The following COL5A1 variants were observed in gnomAD, a reference collection of about 807,000 sequenced individuals.
COL5A1 encodes collagen alpha-1(V) chain.
COL5A1 carries 16 observed loss-of-function variants against 263.7 expected under a neutral mutation model. The observed-to-expected ratio is 0.06, with a 90% CI of 0.04 to 0.09. The LOEUF (loss-of-function observed/expected upper bound fraction) is 0.09, where lower values mean the gene tolerates loss of function less well. Among genes scored for constraint, COL5A1 ranks in the 10% least tolerant of loss-of-function variants. The probability of loss-of-function intolerance (pLI) is 1.00; values close to 1 mark genes in which losing one functional copy is unlikely to be tolerated. For missense variants in COL5A1, 2,036 were observed against 2,540.5 expected (o/e 0.80, Z 4.27); for synonymous variants, 1,012 against 1,004.5 (o/e 1.01, Z -0.14).
chr9:134,807,098 T>C (rs1382333115), intron 42 of COL5A1, among the ~76,000 whole-genome samples: 1 of 152,194 alleles, frequency 6.6e-6, no homozygotes, highest in East Asian at 1.9e-4. Context: ...CTGACCCGTA[T>C]TTGGCTTCTG....
chr9:134,780,187 C>A (rs149516949), intron 28 of COL5A1, 41 bp downstream of exon 28: 1 of 1,602,934 alleles, frequency 6.2e-7, no homozygotes, highest in East Asian at 2.2e-5. Flanking sequence ...CTGCTTAGTC[C>A]GGAGCCGAAT....
chr9:134,831,855 G>A (rs1346187942), intron 64 of COL5A1, among the ~76,000 whole-genome samples: 3 of 152,218 alleles, frequency 2.0e-5, no homozygotes, highest in African/African-American at 7.2e-5. Flanking sequence ...GAAGGTTGGG[G>A]TGAAGGGACG....
At chr9:134,684,602 C>T (rs369471641) in intron 1 of COL5A1, among the ~76,000 whole-genome samples, 15 of 152,334 alleles carry the variant, frequency 9.8e-5, no homozygotes, top group African/African-American at 3.1e-4. Context: ...GTTTCAGCAT[C>T]TCATGTCCTG....
At chr9:134,743,076 G>T (rs994484280) in intron 11 of COL5A1, among the ~76,000 whole-genome samples, 1 of 152,160 alleles carries the variant, frequency 6.6e-6, no homozygotes, top group African/African-American at 2.4e-5. Flanking sequence ...TGGTGTCCAC[G>T]GATATTTGTG....
intron 11 of COL5A1, among the ~76,000 whole-genome samples, chr9:134,740,026 T>C (rs77029977): frequency 0.018 from 2,788 of 152,268 alleles, 100 homozygotes; most frequent in African/African-American, 0.062. Context: ...CTCTGCCACG[T>C]TGCTTTTCAC....
In COL5A1 at chr9:134,816,958, T is replaced by C. The variant is rs1838774932; in HGVS notation, c.4123-68T>C. On this transcript the variant is annotated intron_variant, in intron 52 of 65. Transcript: ENST00000371817. The stretch of plus-strand genomic sequence containing the variant: ...AGGAGTAAATAGACTGAAATCGCCA[T>C]GTGTTTTGCCTCAATTGAGTCTAAC... 6.4e-6 allele frequency: 9 copies of C among 1,397,680 alleles called. No individual in the cohort carries two copies. In the South Asian group the frequency reaches 8.1e-5, roughly 13 times the overall value. The allele number at this position is 1,397,680 out of a possible 1,614,324, so 86.6% of individuals were successfully genotyped here. A position where few individuals can be genotyped will look rare whatever the true frequency, so the allele number is the denominator to read the frequency against.
In COL5A1 at chr9:134,730,451, C is replaced by T. The variant is rs749315207; in HGVS notation, c.1140C>T (p.Thr380=). ...PGAGAEIPTS[T]ADTSNSSNPA... is the part of the protein sequence containing the mutation. ...CTGGGGCCGAAATTCCCACCAGCAC[C>T]GCCGACACCTCCAACTCCTCCAATG... The change falls in exon 7 of 66, where the codon ACC becomes ACT. Residue 380 remains threonine (T), a synonymous_variant. Coordinates refer to ENST00000371817, the MANE Select transcript of COL5A1 (RefSeq NM_000093.5). 3.6e-5 allele frequency: 58 copies of T among 1,614,026 alleles called. No homozygotes were observed. Among genetic ancestry groups the T allele is most frequent in the Middle Eastern group, 3.3e-4 (2 of 6,082 alleles).
chr9:134,740,572 T>C (rs988036333), intron 11 of COL5A1, among the ~76,000 whole-genome samples: 1 of 152,184 alleles, frequency 6.6e-6, no homozygotes, highest in Non-Finnish European at 1.5e-5. Context: ...GCCTCAGTGG[T>C]GTTCCACGGC....
rs1270346263 is a variant in COL5A1 at position 134,757,798 on chromosome 9, G to A, written c.1882-445G>A. ...GGATGCCTGAGGGTAGCCAGTGCTGGCCCGTCCACCAATGGGTACGCGTAC... is the reference window on the plus strand; with the variant it reads ...GGATGCCTGAGGGTAGCCAGTGCTGACCCGTCCACCAATGGGTACGCGTAC... On this transcript the variant is annotated intron_variant, in intron 17 of 65. Transcript: ENST00000371817. This position sits in a 1 kb window ranked among gnomAD's most constrained non-coding sequence, Gnocchi z 6.2. 6.6e-6 allele frequency among the ~76,000 whole-genome samples: 1 copy of A among 152,158 alleles called. No individual in the cohort carries two copies. The highest frequency in any genetic ancestry group is 2.4e-5 in the African/African-American group (1 of 41,452).
intron 11 of COL5A1, among the ~76,000 whole-genome samples, chr9:134,744,802 T>C (rs1298697894): frequency 6.9e-6 from 1 of 145,710 alleles, no homozygotes; most frequent in Non-Finnish European, 1.5e-5. Context: ...CCCACACATG[T>C]ACACACATTC....
At chr9:134,777,463 C>T (rs747440652) in intron 27 of COL5A1, among the ~76,000 whole-genome samples, 4 of 152,212 alleles carry the variant, frequency 2.6e-5, no homozygotes, top group Middle Eastern at 3.2e-3. Context: ...GCCCCAATGT[C>T]AACAGCCCCG....
chr9:134,696,394 G>A lies in COL5A1; in HGVS notation c.278-3515G>A, dbSNP rs1440628466. ...GATTCACCATGTTGGCCAGGCTGGT[G>A]TGGAACTCCTGACCTCAAGTGATCC... On this transcript the variant is annotated intron_variant, in intron 2 of 65. Coordinates refer to ENST00000371817, the MANE Select transcript of COL5A1 (RefSeq NM_000093.5). This position sits in a 1 kb window ranked among gnomAD's most constrained non-coding sequence, Gnocchi z 4.3. Among the ~76,000 whole-genome samples, 2 of 152,054 alleles carry A rather than the reference G, an allele frequency of 1.3e-5. No individual in the cohort carries two copies.
intron 43 of COL5A1, 78 bp from the exon 44 acceptor site, chr9:134,810,177 A>C: frequency 6.6e-7 from 1 of 1,525,666 alleles, no homozygotes; most frequent in Middle Eastern, 1.7e-4. Context: ...AATCTCCAAG[A>C]AAAATTCATT....
intron 27 of COL5A1, among the ~76,000 whole-genome samples, chr9:134,778,839 C>T (rs1399463748): frequency 6.6e-6 from 1 of 152,270 alleles, no homozygotes; most frequent in East Asian, 1.9e-4. Flanking sequence ...TTCAGGGCAA[C>T]CACGCCGCTG....
intron 39 of COL5A1, among the ~76,000 whole-genome samples, chr9:134,803,999 G>C (rs1355059260): frequency 6.6e-6 from 1 of 152,126 alleles, no homozygotes; most frequent in African/African-American, 2.4e-5. Flanking sequence ...GCCATAACTT[G>C]CTGTGTTAGC....
At chr9:134,676,453 T>A (rs1259113582) in intron 1 of COL5A1, among the ~76,000 whole-genome samples, 6 of 152,240 alleles carry the variant, frequency 3.9e-5, no homozygotes, top group African/African-American at 1.4e-4. Flanking sequence ...GATGGGCATG[T>A]GCTTTGTTTT....
At position 134,841,201 on chromosome 9, in the gene COL5A1, C is replaced by T. The variant is rs1271923195; in HGVS notation, c.5371-956C>T. Among the ~76,000 whole-genome samples the T allele has an allele frequency of 6.6e-6, 1 of 152,200 alleles. No homozygotes were observed. The highest frequency in any genetic ancestry group is 1.9e-4 in the East Asian group (1 of 5,184). ...CTGCGACTGTAAATCCAGTCTGGGT[C>T]TGAGGTAGCAAAAGCCATCTGCCCA... On this transcript the variant is annotated intron_variant, in intron 65 of 65. Coordinates refer to ENST00000371817, the MANE Select transcript of COL5A1 (RefSeq NM_000093.5). This position sits in a 1 kb window ranked among gnomAD's most constrained non-coding sequence, Gnocchi z 4.8.
At chr9:134,766,351 C>G in intron 21 of COL5A1, 103 bp from the exon 22 acceptor site, 11 of 1,137,708 alleles carry the variant, frequency 9.7e-6, no homozygotes, top group Non-Finnish European at 1.4e-5. Context: ...TCTGATTCGT[C>G]GTGGGATGGG....
chr9:134,822,819 G>A (rs1839070378), intron 59 of COL5A1, 179 bp from the exon 60 acceptor site: 2 of 745,354 alleles, frequency 2.7e-6, no homozygotes, highest in Non-Finnish European at 4.6e-6. Context: ...CGAGGGGTGA[G>A]CACCAGCCAG....
Sources: gnomAD v4.1 joint callset for allele counts (sites outside exome capture counted in the v4.1 genomes callset) on GRCh38, gnomAD v4.1.1 for gene constraint, Gnocchi (gnomAD v3.1) non-coding constraint, MANE v1.5 for transcripts, NCBI Gene and HGNC (gene_info 2026-07-23, HGNC 2026-07-21) for gene names.